FNTB: variants seen among roughly 807,000 people sequenced by gnomAD.
FNTB encodes the protein protein farnesyltransferase subunit beta.
Under a neutral mutation model 59.4 loss-of-function variants are expected in FNTB, and 27 were observed. That is an observed-to-expected ratio of 0.45 (90% confidence interval 0.34 to 0.63). The LOEUF (loss-of-function observed/expected upper bound fraction) is 0.63, where lower values mean the gene tolerates loss of function less well. Among genes scored for constraint, FNTB ranks in the 20% least tolerant of loss-of-function variants. The pLI, the probability that FNTB is intolerant of heterozygous loss-of-function variation, is 0.02. For synonymous variants in FNTB, 230 were observed against 220.7 expected (o/e 1.04, Z -0.37); for missense variants, 449 against 559.6 (o/e 0.80, Z 1.99).
intron 11 of FNTB, among the ~76,000 whole-genome samples, chr14:65,056,445 T>G (rs1287465448): frequency 6.6e-6 from 1 of 152,218 alleles, no homozygotes; most frequent in Non-Finnish European, 1.5e-5. Context: ...TCATCTTTGA[T>G]AGATACCTCT....
rs1255026982 is a variant in FNTB, at chr14:65,061,680, G to A, written c.*368G>A. 5.1e-5 allele frequency: 10 copies of A among 197,062 alleles called. No homozygotes were observed. Among genetic ancestry groups the A allele is most frequent in the East Asian group, 1.1e-4 (1 of 8,908 alleles). The allele number at this position is 197,062 out of a possible 1,614,324, so 12.2% of individuals were successfully genotyped here. On this transcript the variant is annotated 3_prime_UTR_variant, in exon 12 of 12. Transcript: ENST00000246166. ...AGCCACTGCTGACTCCCACTTGCAC[G>A]CCACCATTCAGTCACCAGACTGGGT...
At chr14:65,018,215 C>G (rs1403764108) in intron 4 of FNTB, among the ~76,000 whole-genome samples, 1 of 152,090 alleles carries the variant, frequency 6.6e-6, no homozygotes, top group African/African-American at 2.4e-5. Flanking sequence ...GTGGTGCACA[C>G]TTCTAGTTCT....
At chr14:65,045,912 T>G (rs1163896350) in intron 9 of FNTB, among the ~76,000 whole-genome samples, 1 of 152,218 alleles carries the variant, frequency 6.6e-6, no homozygotes, top group African/African-American at 2.4e-5. Flanking sequence ...GTGCACTGAC[T>G]TTGGAGCCTG....
intron 7 of FNTB, among the ~76,000 whole-genome samples, chr14:65,035,682 A>G (rs939184462): frequency 1.3e-5 from 2 of 151,706 alleles, no homozygotes; most frequent in African/African-American, 4.8e-5. Context: ...AGCGCGTGCC[A>G]CCATAACCAG....
chr14:65,015,362 C>G (rs2061751116), intron 3 of FNTB, among the ~76,000 whole-genome samples: 1 of 151,498 alleles, frequency 6.6e-6, no homozygotes, highest in African/African-American at 2.4e-5. Context: ...CTTGGCCTCC[C>G]AAAGTGCTGG....
At chr14:65,040,944 C>T (rs1314138248) in intron 8 of FNTB, 25 bp downstream of exon 8, 2 of 1,610,060 alleles carry the variant, frequency 1.2e-6, no homozygotes, top group Non-Finnish European at 1.7e-6. Context: ...AGCCATCCCC[C>T]TCTCAGGCCC....
In FNTB at chr14:65,030,241, A is replaced by G. The variant is rs74755286; in HGVS notation, c.606-2369A>G. On this transcript the variant is annotated intron_variant, in intron 6 of 11. Coordinates refer to ENST00000246166, the MANE Select transcript of FNTB (RefSeq NM_002028.4). The surrounding 1 kb of genome is among the most constrained non-coding windows in gnomAD (Gnocchi z 4.5). ...TGCAAGGAAATTAGACAGATCTTCA[A>G]AATTAGCTGCTGGTAGATGATCACA... Among the ~76,000 whole-genome samples, 2 of 152,206 alleles carry G rather than the reference A, an allele frequency of 1.3e-5. No homozygotes were observed. The highest frequency in any genetic ancestry group is 4.8e-5 in the African/African-American group (2 of 41,466).
rs370347794 is a variant in FNTB, at chr14:65,044,436, C to T, written c.948C>T (p.His316=). ...GLLPLLHRAL[H]AQGDPALSMS... ...TGCCCCTGCTCCACCGCGCACTGCA[C>T]GCCCAAGGTGAGCCTGGGGAGCTGT... Residue 316 remains histidine, a synonymous_variant, in exon 9 of 12, where the codon CAC becomes CAT. Transcript: ENST00000246166. The surrounding 1 kb of genome is among the most constrained non-coding windows in gnomAD (Gnocchi z 5.5). 227 of 1,609,098 alleles carry T rather than the reference C, an allele frequency of 1.4e-4. 1 individual carries two copies. The highest frequency in any genetic ancestry group is 9.9e-4 in the South Asian group (89 of 90,152).
chr14:65,032,818 T>G lies in FNTB; in HGVS notation c.692+122T>G. The G allele has an allele frequency of 1.3e-6, 1 of 787,222 alleles. No homozygotes were observed. Among genetic ancestry groups the G allele is most frequent in the Non-Finnish European group, 1.9e-6 (1 of 539,758 alleles). 48.8% of individuals were successfully genotyped at this position (787,222 alleles called of 1,614,324 possible). A position where few individuals can be genotyped will look rare whatever the true frequency, so the allele number is the denominator to read the frequency against. On this transcript the variant is annotated intron_variant, in intron 7 of 11. Coordinates refer to ENST00000246166, the MANE Select transcript of FNTB (RefSeq NM_002028.4). This position sits in a 1 kb window ranked among gnomAD's most constrained non-coding sequence, Gnocchi z 5.0. ...AATACAAAAATCACAGGAGATCCAT[T>G]AGGGTTATCTAATGATTTTTTTAAA...
intron 7 of FNTB, among the ~76,000 whole-genome samples, chr14:65,034,669 G>C (rs2062151576): frequency 1.3e-5 from 2 of 152,292 alleles, no homozygotes; most frequent in African/African-American, 4.8e-5. Context: ...GTGTTTCTCA[G>C]CTGAGATTTT....
chr14:65,004,960 G>A (rs1014781280), intron 2 of FNTB, among the ~76,000 whole-genome samples: 3 of 152,220 alleles, frequency 2.0e-5, no homozygotes, highest in Non-Finnish European at 4.4e-5. Context: ...ACTGTGCCCG[G>A]CCCAGATTTT....
Position 65,054,520 on chromosome 14 carries a change from T to C in FNTB, c.1068-55T>C. 6.5e-7 allele frequency: 1 copy of C among 1,546,334 alleles called. No individual in the cohort carries two copies. Among genetic ancestry groups the C allele is most frequent in the Admixed American group, 1.8e-5 (1 of 54,348 alleles). ...GGTCTCTGAATTGGTGTGGCTACAT[T>C]TGTAGATGTGTGCGGAGCAGAGGAG... On this transcript the variant is annotated intron_variant, in intron 10 of 11. Coordinates refer to ENST00000246166, the MANE Select transcript of FNTB (RefSeq NM_002028.4). The surrounding 1 kb of genome is among the most constrained non-coding windows in gnomAD (Gnocchi z 4.4).
intron 1 of FNTB, 87 bp from the exon 2 acceptor site, chr14:65,004,162 T>A: frequency 6.9e-7 from 1 of 1,452,900 alleles, no homozygotes; most frequent in Non-Finnish European, 9.5e-7. Flanking sequence ...CCCTCGCCAA[T>A]AGGCATTTGT....
rs913294150 is a variant in FNTB at position 64,997,240 on chromosome 14, G to A, written c.145-7009G>A. 3.9e-5 allele frequency among the ~76,000 whole-genome samples: 6 copies of A among 152,250 alleles called. No individual in the cohort carries two copies. In the East Asian group the frequency reaches 1.2e-3, roughly 29 times the overall value. The stretch of plus-strand genomic sequence containing the variant: ...TACTCCTGTAGATAACATCCCAATT[G>A]CAGAACCTAAGATTGGCTGTTTGAG... On this transcript the variant is annotated intron_variant, in intron 1 of 11. Coordinates refer to ENST00000246166, the MANE Select transcript of FNTB (RefSeq NM_002028.4). This position sits in a 1 kb window ranked among gnomAD's most constrained non-coding sequence, Gnocchi z 4.5.
chr14:65,060,228 C>G (rs1399140702), intron 11 of FNTB, among the ~76,000 whole-genome samples: 1 of 152,048 alleles, frequency 6.6e-6, no homozygotes, highest in African/African-American at 2.4e-5. Context: ...AATCATATCA[C>G]TATTAATATT....
rs747955254 is a variant in FNTB, at chr14:64,986,901, C to T, written c.-53C>T. 12 of 1,604,416 alleles carry T rather than the reference C, an allele frequency of 7.5e-6. No homozygotes were observed. The highest frequency in any genetic ancestry group is 1.7e-5 in the Admixed American group (1 of 59,934). ...TTTAGCCCGCTCGAGTTTCAATGCG[C>T]GTTGTTGCTTAACGAAGCAGAGTCC... is the stretch of plus-strand genomic sequence containing the variant. On this transcript the variant is annotated 5_prime_UTR_variant, in exon 1 of 12. Transcript: ENST00000246166.
At chr14:65,022,370 A>G (rs1361949863) in intron 4 of FNTB, among the ~76,000 whole-genome samples, 1 of 151,722 alleles carries the variant, frequency 6.6e-6, no homozygotes, top group Non-Finnish European at 1.5e-5. Flanking sequence ...TGTCTATGAT[A>G]GCCTAGTCTA....
In FNTB at chr14:65,061,419, T is replaced by C; in HGVS notation, c.*107T>C. ...TGTGCTACACAAGCCTTAGCCTCAG[T>C]GGAGCTGTGGTTCTCTTGGTACTTT... On this transcript the variant is annotated 3_prime_UTR_variant, in exon 12 of 12. Transcript: ENST00000246166. 1 of 1,478,264 alleles carries C rather than the reference T, an allele frequency of 6.8e-7. No homozygotes were observed. Among genetic ancestry groups the C allele is most frequent in the South Asian group, 1.4e-5 (1 of 73,748 alleles). 91.6% of individuals were successfully genotyped at this position (1,478,264 alleles called of 1,614,324 possible).
chr14:65,006,168 T>TTC (rs772406275), intron 2 of FNTB: 1 of 1,607,588 alleles, frequency 6.2e-7, no homozygotes, highest in South Asian at 1.1e-5. Context: ...TTTTTTTTTT[T>TTC]TTTTTGCCAC....
Sources: gnomAD v4.1 joint callset for allele counts (sites outside exome capture counted in the v4.1 genomes callset) on GRCh38, gnomAD v4.1.1 for gene constraint, Gnocchi (gnomAD v3.1) non-coding constraint, MANE v1.5 for transcripts, NCBI Gene and HGNC (gene_info 2026-07-23, HGNC 2026-07-21) for gene names.